USH2A: variants seen among roughly 807,000 people sequenced by gnomAD.
The protein encoded by USH2A is Usher syndrome 2A (autosomal recessive, mild).
In USH2A, 443 loss-of-function variants were observed where a neutral mutation model predicts 538.9. That is an observed-to-expected ratio of 0.82 (90% CI 0.76 to 0.89). USH2A has a LOEUF of 0.89. USH2A is among the 40% of genes least tolerant of loss of function. The probability of loss-of-function intolerance (pLI) is 0.00; values close to 1 mark genes in which losing one functional copy is unlikely to be tolerated. For synonymous variants in USH2A, 2,413 were observed against 2,273.5 expected (o/e 1.06, Z -1.75); for missense variants, 6,633 against 6,324.8 (o/e 1.05, Z -1.65).
At chr1:216,174,810 G>A (rs1037400670) in intron 21 of USH2A, 2 of 1,010,422 alleles carry the variant, frequency 2.0e-6, no homozygotes, top group Admixed American at 1.0e-4. Flanking sequence ...TATCTGTTAG[G>A]CATGATTAGC....
At chr1:215,923,148 C>T (rs891088354) in intron 38 of USH2A, among the ~76,000 whole-genome samples, 3 of 152,064 alleles carry the variant, frequency 2.0e-5, no homozygotes, top group Non-Finnish European at 4.4e-5. Context: ...TACTTGTTTT[C>T]CTTTCTCTCA....
chr1:216,112,983 G>T (rs2032911563), intron 21 of USH2A, among the ~76,000 whole-genome samples: 1 of 151,858 alleles, frequency 6.6e-6, no homozygotes, highest in Non-Finnish European at 1.5e-5. Context: ...TAATGGGATT[G>T]CTGGGTCAAA....
chr1:215,962,658 T>TACAC (rs10562094), intron 37 of USH2A, among the ~76,000 whole-genome samples: 2 of 151,208 alleles, frequency 1.3e-5, no homozygotes, highest in African/African-American at 4.9e-5. Flanking sequence ...TGTTTATGTA[T>TACAC]ACACACACAC....
chr1:215,905,193 G>A (rs1352016236), intron 38 of USH2A, among the ~76,000 whole-genome samples: 1 of 152,030 alleles, frequency 6.6e-6, no homozygotes, highest in Non-Finnish European at 1.5e-5. Flanking sequence ...CCAAGTCTGT[G>A]GGGACAAGAA....
At chr1:215,916,350 A>T (rs1665954836) in intron 38 of USH2A, among the ~76,000 whole-genome samples, 1 of 152,038 alleles carries the variant, frequency 6.6e-6, no homozygotes, top group South Asian at 2.1e-4. Flanking sequence ...ATAAAAAAAA[A>T]AATTGTTAAA....
chr1:216,254,660 A>C (rs2036226662), intron 11 of USH2A, among the ~76,000 whole-genome samples: 2 of 152,138 alleles, frequency 1.3e-5, no homozygotes, highest in Non-Finnish European at 2.9e-5. Flanking sequence ...CAGAGAACTG[A>C]GGTGCCCCAG....
intron 44 of USH2A, among the ~76,000 whole-genome samples, chr1:215,864,524 A>C (rs1177680210): frequency 1.3e-5 from 2 of 152,176 alleles, no homozygotes; most frequent in Non-Finnish European, 2.9e-5. Flanking sequence ...ATCTGTCTAA[A>C]GGGGAAGCCA....
At chr1:216,182,947 C>T (rs993505759) in intron 20 of USH2A, among the ~76,000 whole-genome samples, 1 of 152,042 alleles carries the variant, frequency 6.6e-6, no homozygotes, top group Non-Finnish European at 1.5e-5. Flanking sequence ...TTGGTGCTAC[C>T]ATCTATGTGA....
intron 21 of USH2A, among the ~76,000 whole-genome samples, chr1:216,133,936 C>T (rs2033428829): frequency 6.6e-6 from 1 of 152,024 alleles, no homozygotes; most frequent in Admixed American, 6.6e-5. Flanking sequence ...ATTTATGGAA[C>T]ACTGAATATT....
chr1:216,191,666 G>A (rs1413270402), intron 19 of USH2A, among the ~76,000 whole-genome samples: 1 of 151,768 alleles, frequency 6.6e-6, no homozygotes, highest in African/African-American at 2.4e-5. Flanking sequence ...AATTTTCTAA[G>A]TAAAATAAAC....
At chr1:216,118,517 C>G (rs997176987) in intron 21 of USH2A, among the ~76,000 whole-genome samples, 3 of 152,110 alleles carry the variant, frequency 2.0e-5, no homozygotes, top group African/African-American at 4.8e-5. Flanking sequence ...AGTTCTGTGT[C>G]AAAGTCCAGT....
intron 38 of USH2A, among the ~76,000 whole-genome samples, chr1:215,919,128 T>C (rs1206125015): frequency 2.6e-5 from 4 of 152,086 alleles, no homozygotes; most frequent in African/African-American, 9.7e-5. Context: ...TTCAATTGGT[T>C]ATTTAAAAAA....
intron 62 of USH2A, among the ~76,000 whole-genome samples, chr1:215,678,241 T>C (rs1233894705): frequency 6.6e-6 from 1 of 152,242 alleles, no homozygotes; most frequent in Non-Finnish European, 1.5e-5. Context: ...ATTCCTTTGC[T>C]TAAAGCCTTC....
chr1:216,215,250 G>A (rs1192597198), intron 15 of USH2A, among the ~76,000 whole-genome samples: 3 of 152,106 alleles, frequency 2.0e-5, no homozygotes, highest in Non-Finnish European at 2.9e-5. Context: ...AAACTGTGTA[G>A]GGGGTGGGGT....
At chr1:215,799,151 A>G in intron 49 of USH2A, 26 bp from the exon 50 acceptor site, 1 of 1,598,784 alleles carries the variant, frequency 6.3e-7, no homozygotes, top group East Asian at 2.2e-5. Context: ...AATAATAATC[A>G]TTACATCAGT....
chr1:215,630,708 C>G (rs1048717190), intron 70 of USH2A, among the ~76,000 whole-genome samples: 2 of 151,142 alleles, frequency 1.3e-5, no homozygotes, highest in African/African-American at 4.9e-5. Flanking sequence ...CAAAAATTAG[C>G]CAGGCATGGT....
chr1:215,799,223 G>T, intron 49 of USH2A, 98 bp from the exon 50 acceptor site: 2 of 1,318,958 alleles, frequency 1.5e-6, no homozygotes, highest in Non-Finnish European at 1.1e-6. Context: ...GATCCCAACT[G>T]ATTGACAGAA....
chr1:215,809,451 G>C (rs1321858616), intron 49 of USH2A, among the ~76,000 whole-genome samples: 1 of 116,326 alleles, frequency 8.6e-6, no homozygotes, highest in Non-Finnish European at 2.0e-5. Context: ...CAGAAGAAAA[G>C]TCTTCAAAAA....
chr1:215,789,519 A>G lies in USH2A; in HGVS notation c.10182+540T>C, dbSNP rs868804476. Among the ~76,000 whole-genome samples, 18 of 152,348 alleles carry G rather than the reference A, an allele frequency of 1.2e-4. 1 individual carries two copies. The Middle Eastern group carries it at 0.01, about 86-fold the overall frequency. ...TACATGACATGGCTGTGTACAAACCATCACCATACAAAAACATAAGCGATT... is the reference window on the plus strand; with the variant it reads ...TACATGACATGGCTGTGTACAAACCGTCACCATACAAAAACATAAGCGATT... On this transcript the variant is annotated intron_variant, in intron 51 of 71. Coordinates refer to ENST00000307340, the MANE Select transcript of USH2A (RefSeq NM_206933.4).
Sources: allele counts gnomAD v4.1 joint callset (sites outside exome capture counted in the v4.1 genomes callset), GRCh38; gene constraint gnomAD v4.1.1; transcripts MANE v1.5; gene names NCBI Gene and HGNC (gene_info 2026-07-23, HGNC 2026-07-21).